The following KLHL14 variants were observed in gnomAD, a reference collection of about 807,000 sequenced individuals.
KLHL14 encodes the protein kelch like family member 14.
A neutral mutation model predicts 64.3 loss-of-function variants in KLHL14; 22 were observed. That is an observed-to-expected ratio of 0.34 (90% CI 0.24 to 0.49). The LOEUF (loss-of-function observed/expected upper bound fraction) is 0.49, where lower values mean the gene tolerates loss of function less well. KLHL14 is among the 20% of genes least tolerant of loss of function. The pLI is 0.99. For synonymous variants in KLHL14, 322 were observed against 333.4 expected (o/e 0.97, Z 0.37); for missense variants, 661 against 789.0 (o/e 0.84, Z 1.94).
At position 32,731,648 on chromosome 18, in the gene KLHL14, T is replaced by C. The variant is rs1022011854; in HGVS notation, c.1069+10280A>G. The stretch of plus-strand genomic sequence containing the variant: ...AAAATAAGAGTTGAAAAAGAAGTCG[T>C]TTCAGCTGTTTTTTTAAATGAGGTC... On this transcript the variant is annotated intron_variant, in intron 3 of 8. Transcript: ENST00000359358. 2.0e-4 allele frequency among the ~76,000 whole-genome samples: 31 copies of C among 152,076 alleles called. 1 individual carries two copies. Among genetic ancestry groups the C allele is most frequent in the Non-Finnish European group, 4.1e-4 (28 of 68,008 alleles).
intron 3 of KLHL14, among the ~76,000 whole-genome samples, chr18:32,709,973 T>G (rs545937290): frequency 7.2e-5 from 11 of 152,348 alleles, no homozygotes; most frequent in African/African-American, 2.6e-4. Flanking sequence ...TACAGATTTA[T>G]GTACAATTTG....
intron 1 of KLHL14, among the ~76,000 whole-genome samples, chr18:32,771,797 G>C (rs1205755933): frequency 2.7e-5 from 4 of 149,848 alleles, no homozygotes; most frequent in Non-Finnish European, 6.0e-5. Context: ...GCTGTCGAAC[G>C]AGCGGGGGGG....
Position 32,769,627 on chromosome 18 carries a change from C to G in KLHL14, c.947+18G>C. On this transcript the variant is annotated intron_variant, in intron 2 of 8. Coordinates refer to ENST00000359358, the MANE Select transcript of KLHL14 (RefSeq NM_020805.3). Reference sequence around the variant, plus strand: ...CTCTACCCCCCCCTCCCCCGCCCTCCTCTTTGTTGTCTCCTACCTGCTGGC... The same window carrying G: ...CTCTACCCCCCCCTCCCCCGCCCTCGTCTTTGTTGTCTCCTACCTGCTGGC... The G allele has an allele frequency of 6.8e-7, 1 of 1,475,064 alleles. No homozygotes were observed. The highest frequency in any genetic ancestry group is 9.0e-7 in the Non-Finnish European group (1 of 1,109,104). 91.4% of individuals were successfully genotyped at this position (1,475,064 alleles called of 1,614,324 possible).
chr18:32,722,591 C>T (rs2050085149), intron 3 of KLHL14, among the ~76,000 whole-genome samples: 1 of 151,996 alleles, frequency 6.6e-6, no homozygotes, highest in Non-Finnish European at 1.5e-5. Context: ...AATGTGTCCA[C>T]AACACAACAC....
At chr18:32,743,361 T>C (rs2050208762) in intron 2 of KLHL14, 1 of 152,222 alleles carries the variant, frequency 6.6e-6, no homozygotes, top group Admixed American at 6.5e-5. Flanking sequence ...GTTAAGAACC[T>C]AACATTCGGA....
At chr18:32,749,991 G>A (rs1400505739) in intron 2 of KLHL14, among the ~76,000 whole-genome samples, 1 of 151,942 alleles carries the variant, frequency 6.6e-6, no homozygotes, top group Non-Finnish European at 1.5e-5. Flanking sequence ...TGTTCCTAGT[G>A]AGGGCCCACT....
intron 2 of KLHL14, among the ~76,000 whole-genome samples, chr18:32,745,857 C>T (rs778470635): frequency 6.6e-6 from 1 of 152,168 alleles, no homozygotes; most frequent in Non-Finnish European, 1.5e-5. Context: ...GAAAACACCA[C>T]AAACAAAGAT....
intron 3 of KLHL14, among the ~76,000 whole-genome samples, chr18:32,707,474 G>T (rs12970991): frequency 0.37 from 56,628 of 152,164 alleles, 12,746 homozygotes; most frequent in African/African-American, 0.64. Flanking sequence ...TCTGAGAACT[G>T]AGATTTCAGG....
intron 3 of KLHL14, among the ~76,000 whole-genome samples, chr18:32,706,022 CT>C (rs1438928035): frequency 6.6e-6 from 1 of 152,148 alleles, no homozygotes; most frequent in Non-Finnish European, 1.5e-5. Flanking sequence ...AACTTTGTTC[CT>C]TTTAGATAAT....
intron 2 of KLHL14, among the ~76,000 whole-genome samples, chr18:32,768,113 T>TG (rs1158609099): frequency 6.6e-6 from 1 of 152,186 alleles, no homozygotes; most frequent in Non-Finnish European, 1.5e-5. Context: ...CGTTTCATGT[T>TG]TTTTTCCTCA....
chr18:32,739,706 A>G (rs985049130), intron 3 of KLHL14, among the ~76,000 whole-genome samples: 1 of 95,468 alleles, frequency 1.0e-5, no homozygotes, highest in Non-Finnish European at 2.8e-5. Flanking sequence ...TAATAAATAG[A>G]GTCAATAGAT....
intron 5 of KLHL14, among the ~76,000 whole-genome samples, chr18:32,681,324 A>G (rs76185443): frequency 0.042 from 6,391 of 152,230 alleles, 184 homozygotes; most frequent in Non-Finnish European, 0.063. Flanking sequence ...AGAGAGACCA[A>G]TCCTAAAATA....
At chr18:32,707,133 C>T (rs2049994503) in intron 3 of KLHL14, among the ~76,000 whole-genome samples, 1 of 152,156 alleles carries the variant, frequency 6.6e-6, no homozygotes, top group African/African-American at 2.4e-5. Context: ...GCCCATGGGG[C>T]AGTAGGATGT....
chr18:32,746,376 C>A (rs2050223767), intron 2 of KLHL14, among the ~76,000 whole-genome samples: 1 of 152,228 alleles, frequency 6.6e-6, no homozygotes, highest in Admixed American at 6.5e-5. Context: ...CACATTTGGG[C>A]GTGTGTGCGC....
At chr18:32,687,653 A>C (rs1011967328) in intron 4 of KLHL14, among the ~76,000 whole-genome samples, 14 of 152,174 alleles carry the variant, frequency 9.2e-5, no homozygotes, top group Non-Finnish European at 1.6e-4. Context: ...GCCATTTAAA[A>C]AACAACAACA....
In KLHL14 at chr18:32,683,549, G is replaced by A. The variant is rs968419473; in HGVS notation, c.1239-2950C>T. Among the ~76,000 whole-genome samples the A allele has an allele frequency of 3.9e-5, 6 of 152,042 alleles. No homozygotes were observed. Among genetic ancestry groups the A allele is most frequent in the Non-Finnish European group, 7.4e-5 (5 of 68,024 alleles). ...AGGTTCAGGCTATTTTATTTTGGGGGGAAAGTAAGTTCAAGATTATTAAAG... is the reference window on the plus strand; with the variant it reads ...AGGTTCAGGCTATTTTATTTTGGGGAGAAAGTAAGTTCAAGATTATTAAAG... On this transcript the variant is annotated intron_variant, in intron 5 of 8. Coordinates refer to ENST00000359358, the MANE Select transcript of KLHL14 (RefSeq NM_020805.3). This position sits in a 1 kb window ranked among gnomAD's most constrained non-coding sequence, Gnocchi z 4.2.
In KLHL14 at chr18:32,687,857, C is replaced by T. The variant is rs112829566; in HGVS notation, c.1160-624G>A. On this transcript the variant is annotated intron_variant, in intron 4 of 8. Coordinates refer to ENST00000359358, the MANE Select transcript of KLHL14 (RefSeq NM_020805.3). ...TCTGCTCTCTCTGTTCAAACAATAG[C>T]AGCCACTACAAAAAGAGCCTGACTG... Among the ~76,000 whole-genome samples the T allele has an allele frequency of 6.0e-3, 920 of 152,292 alleles. 14 individuals carry two copies. Among genetic ancestry groups the T allele is most frequent in the African/African-American group, 0.021 (892 of 41,570 alleles).
At chr18:32,763,112 T>TG (rs2050323042) in intron 2 of KLHL14, among the ~76,000 whole-genome samples, 1 of 151,722 alleles carries the variant, frequency 6.6e-6, no homozygotes, top group Non-Finnish European at 1.5e-5. Context: ...TTCAAGGTTT[T>TG]TTTTTTTTTT....
At chr18:32,686,154 G>C (rs1299020356) in intron 5 of KLHL14, among the ~76,000 whole-genome samples, 9 of 150,204 alleles carry the variant, frequency 6.0e-5, no homozygotes, top group Admixed American at 6.0e-4. Flanking sequence ...TGGGATTACA[G>C]GCGCTTGCCA....
Sources: gnomAD v4.1 joint callset for allele counts (sites outside exome capture counted in the v4.1 genomes callset) on GRCh38, gnomAD v4.1.1 for gene constraint, Gnocchi (gnomAD v3.1) non-coding constraint, MANE v1.5 for transcripts, NCBI Gene and HGNC (gene_info 2026-07-23, HGNC 2026-07-21) for gene names.